Variants in PITPNM1 observed in about 807,000 individuals in gnomAD.
PITPNM1 encodes phosphatidylinositol transfer protein membrane associated 1.
PITPNM1 carries 74 observed loss-of-function variants against 133.3 expected under a neutral mutation model. That is an observed-to-expected ratio of 0.56 (90% CI 0.46 to 0.67). The LOEUF (loss-of-function observed/expected upper bound fraction) is 0.67. PITPNM1 is among the 30% of genes least tolerant of loss of function. PITPNM1 has a pLI of 0.00. For missense variants in PITPNM1, 1,398 were observed against 1,739.5 expected, an observed-to-expected ratio of 0.80 and a Z score of 3.49; for synonymous variants, 738 against 741.4, an observed-to-expected ratio of 1.00 and a Z score of 0.08.
chr11:67,500,213 G>T lies in PITPNM1; in HGVS notation c.849C>A (p.Ser283Arg). ...KPSTEARSAA[S>R]NTGTPDGPEA... ...CAGGCCCATCGGGGGTGCCAGTGTT[G>T]CTGGCCGCAGACCGGGCCTCGGTGC... The change falls in exon 6 of 24, where the codon AGC (serine) becomes AGA (arginine). Residue 283 changes from serine (S) to arginine (R), a missense_variant. Coordinates refer to ENST00000356404, the MANE Select transcript of PITPNM1 (RefSeq NM_004910.3). 2 of 1,603,874 alleles carry T rather than the reference G, an allele frequency of 1.2e-6. No individual in the cohort carries two copies. The highest frequency in any genetic ancestry group is 1.7e-6 in the Non-Finnish European group (2 of 1,179,312).
At position 67,500,948 on chromosome 11, in the gene PITPNM1, A is replaced by C. The variant is rs550822243; in HGVS notation, c.641-527T>G. Among the ~76,000 whole-genome samples, 5 of 152,358 alleles carry C rather than the reference A, an allele frequency of 3.3e-5. No individual in the cohort carries two copies. The South Asian group carries it at 1.0e-3, about 32-fold the overall frequency. On this transcript the variant is annotated intron_variant, in intron 5 of 23. Coordinates refer to ENST00000356404, the MANE Select transcript of PITPNM1 (RefSeq NM_004910.3). ...GTAATGATGGTTGAATGATAATTATAAACTTCTGCGAGGAGATATATTGGA... is the reference window on the plus strand; with the variant it reads ...GTAATGATGGTTGAATGATAATTATCAACTTCTGCGAGGAGATATATTGGA...
In PITPNM1 at chr11:67,495,219, T is replaced by G; in HGVS notation, c.2489A>C (p.Glu830Ala). Residue 830 changes from glutamate to alanine, a missense_variant, in exon 17 of 24, where the codon GAG becomes GCG. Physicochemically the swap from Glu to Ala is moderately radical, Grantham distance 107. Transcript: ENST00000356404. The stretch of plus-strand genomic sequence containing the variant: ...GATCCGCTTGGTCCCCCACCAGCGC[T>G]CCAGGACTGCGCGGCCATGGCAGCG... ...STTSEVVKIL[E>A]RWWGTKRIDY... The G allele has an allele frequency of 1.3e-6, 2 of 1,591,440 alleles. No homozygotes were observed. Among genetic ancestry groups the G allele is most frequent in the Non-Finnish European group, 1.7e-6 (2 of 1,165,678 alleles).
Position 67,492,058 on chromosome 11 carries a change from C to T in PITPNM1, c.3710G>A (p.Ser1237Asn), listed in dbSNP as rs1384373568. The change falls in exon 24 of 24, where the codon AGC becomes AAC. Residue 1237 changes from serine to asparagine, a missense_variant. Transcript: ENST00000356404. ...TLARGKARSISLKLDSEE is the reference protein window; with the variant it reads ...TLARGKARSINLKLDSEE The stretch of plus-strand genomic sequence containing the variant: ...TCACTCCTCGCTGTCCAGCTTCAGG[C>T]TGATGCTCCGTGCTTTGCCCCGTGC... 9.9e-6 allele frequency: 16 copies of T among 1,612,378 alleles called. No homozygotes were observed. The highest frequency in any genetic ancestry group is 1.4e-5 in the Non-Finnish European group (16 of 1,179,874).
Position 67,497,395 on chromosome 11 carries a change from C to T in PITPNM1, c.1982G>A (p.Arg661Gln), listed in dbSNP as rs200291461. Residue 661 changes from arginine (R) to glutamine (Q), a missense_variant, in exon 14 of 24, where the codon CGG (arginine) becomes CAG (glutamine). This residue lies in a region of PITPNM1 where 574 missense variants were observed against 698.7 expected (regional missense o/e 0.82). Coordinates refer to ENST00000356404, the MANE Select transcript of PITPNM1 (RefSeq NM_004910.3). ...APATTSSWEP[R>Q]RASTAFCPPA... is the part of the protein sequence containing the mutation. ...TGGGCAGAAGGCCGTGCTTGCCCGC[C>T]GGGGCTCCCAGGAGGAGGTGGTTGC... The T allele has an allele frequency of 3.2e-5, 51 of 1,589,994 alleles. No homozygotes were observed. The East Asian group carries it at 3.8e-4, about 12-fold the overall frequency.
intron 23 of PITPNM1, 132 bp from the exon 24 acceptor site, chr11:67,492,428 C>T (rs1347841165): frequency 2.2e-6 from 2 of 923,650 alleles, no homozygotes; most frequent in Non-Finnish European, 3.1e-6. Flanking sequence ...GAGCTGAAGC[C>T]TTCTCAATAG....
Position 67,504,106 on chromosome 11 carries a change from G to A in PITPNM1, c.75C>T (p.Ile25=), listed in dbSNP as rs1382966327. ...GCCCTCTCCCCGCCGCCCTCACCTG[G>A]ATCATGTAGAGCTGGGCCACCTGGT... ...DEYQVAQLYM[I]QKKSREESSG... The change falls in exon 2 of 24, where the codon ATC becomes ATT. Residue 25 remains isoleucine (I), a synonymous_variant. Coordinates refer to ENST00000356404, the MANE Select transcript of PITPNM1 (RefSeq NM_004910.3). The surrounding 1 kb of genome is among the most constrained non-coding windows in gnomAD (Gnocchi z 5.4). The A allele has an allele frequency of 2.5e-6, 4 of 1,602,694 alleles. No individual in the cohort carries two copies. The highest frequency in any genetic ancestry group is 2.6e-6 in the Non-Finnish European group (3 of 1,176,148).
At position 67,494,972 on chromosome 11, in the gene PITPNM1, G is replaced by C. The variant is rs907878480; in HGVS notation, c.2632-16C>G. Reference sequence around the variant, plus strand: ...TCTCGATCACCTGCACGGGACAGGGGGCGAGGCCTCTGTCTCTTAGGGGAG... The same window carrying C: ...TCTCGATCACCTGCACGGGACAGGGCGCGAGGCCTCTGTCTCTTAGGGGAG... On this transcript the variant is annotated splice_polypyrimidine_tract_variant and intron_variant, in intron 17 of 23. Transcript: ENST00000356404. 1.9e-6 allele frequency: 3 copies of C among 1,610,914 alleles called. No individual in the cohort carries two copies. Among genetic ancestry groups the C allele is most frequent in the Non-Finnish European group, 2.5e-6 (3 of 1,178,658 alleles).
chr11:67,495,124 C>T lies in PITPNM1; in HGVS notation c.2584G>A (p.Ala862Thr), dbSNP rs1454105159. 12 of 1,612,782 alleles carry T rather than the reference C, an allele frequency of 7.4e-6. No individual in the cohort carries two copies. Among genetic ancestry groups the T allele is most frequent in the Non-Finnish European group, 9.3e-6 (11 of 1,179,898 alleles). The change falls in exon 17 of 24, where the codon GCC (alanine) becomes ACC (threonine). Residue 862 changes from alanine (A) to threonine (T), a missense_variant. By Grantham distance (58) the Ala-to-Thr change is moderately conservative. Transcript: ENST00000356404. ...ACGTCGGCGGACTCCCAGTAGCTGG[C>T]GTGGAAGAGGTGGGGCAGCGTGACG... ...PTVTLPHLFH[A>T]SYWESADVVA...
chr11:67,497,516 C>T lies in PITPNM1; in HGVS notation c.1940+6G>A, dbSNP rs1210635530. 7.5e-6 allele frequency: 12 copies of T among 1,605,680 alleles called. No homozygotes were observed. Among genetic ancestry groups the T allele is most frequent in the East Asian group, 4.5e-5 (2 of 44,782 alleles). On this transcript the variant is annotated splice_donor_region_variant and intron_variant, in intron 13 of 23. Coordinates refer to ENST00000356404, the MANE Select transcript of PITPNM1 (RefSeq NM_004910.3). The stretch of plus-strand genomic sequence containing the variant: ...CAGGGTAGGGGTGATGGGGCAGGGA[C>T]GTCACCTGTTCTGAGAGCCCTCGGG...
chr11:67,492,652 G>C (rs1422658199), intron 23 of PITPNM1, among the ~76,000 whole-genome samples: 2 of 152,270 alleles, frequency 1.3e-5, no homozygotes, highest in African/African-American at 4.8e-5. Context: ...TCCATTTACA[G>C]ATGGGAAGCT....
chr11:67,494,988 CTT>C, intron 17 of PITPNM1, 32 bp from the exon 18 acceptor site: 5 of 1,608,768 alleles, frequency 3.1e-6, no homozygotes, highest in Non-Finnish European at 4.2e-6. Flanking sequence ...GCCTCTGTCT[CTT>C]AGGGGAGGGA....
chr11:67,501,054 C>T (rs1866307676), intron 5 of PITPNM1, among the ~76,000 whole-genome samples: 1 of 152,242 alleles, frequency 6.6e-6, no homozygotes, highest in Non-Finnish European at 1.5e-5. Context: ...TCATTATTCT[C>T]TAAGCTGAAT....
In PITPNM1 at chr11:67,498,977, C is replaced by T; in HGVS notation, c.1196G>A (p.Gly399Asp). The change falls in exon 9 of 24, where the codon GGC becomes GAC. Residue 399 changes from glycine to aspartate, a missense_variant. Physicochemically the swap from Gly to Asp is moderately conservative, Grantham distance 94 (BLOSUM62 -1). Transcript: ENST00000356404. The surrounding 1 kb of genome is among the most constrained non-coding windows in gnomAD (Gnocchi z 5.7). The stretch of plus-strand genomic sequence containing the variant: ...GGGTGCTTGGGCCCCATCCTCAATG[C>T]CTTTAGCTGCCTCGGCTCCAGGCTC... ...TPEPGAEAAKGIEDGAQAPRD... is the reference protein window; with the variant it reads ...TPEPGAEAAKDIEDGAQAPRD... The T allele has an allele frequency of 6.2e-7, 1 of 1,612,522 alleles. No homozygotes were observed. The highest frequency in any genetic ancestry group is 8.5e-7 in the Non-Finnish European group (1 of 1,179,594).
rs372630286 is a variant in PITPNM1 at position 67,498,379 on chromosome 11, C to T, written c.1485-57G>A. ...GGCTTCCAGACCCACTCCTGCCATC[C>T]AAGTCCCCTGGGCCTGCTGGCAGGC... On this transcript the variant is annotated intron_variant, in intron 10 of 23. Coordinates refer to ENST00000356404, the MANE Select transcript of PITPNM1 (RefSeq NM_004910.3). The surrounding 1 kb of genome is among the most constrained non-coding windows in gnomAD (Gnocchi z 5.7). 3.4e-6 allele frequency: 5 copies of T among 1,466,352 alleles called. No homozygotes were observed. The highest frequency in any genetic ancestry group is 2.4e-5 in the East Asian group (1 of 41,962). 90.8% of individuals were successfully genotyped at this position (1,466,352 alleles called of 1,614,324 possible).
Position 67,492,166 on chromosome 11 carries a change from AG to A in PITPNM1, c.3601del (p.Leu1201CysfsTer38). ...GCGAAGCAGCTGGCTCTGTTTGCGC[AG>A]GAAGTCCACGGGGGCAGCCACACCA... is the stretch of plus-strand genomic sequence containing the variant. ...SYGVAAPVDF[L>X]RKQSQLLRSR... is the part of the protein sequence containing the mutation. On this transcript the variant is annotated frameshift_variant, in exon 24 of 24. Coordinates refer to ENST00000356404, the MANE Select transcript of PITPNM1 (RefSeq NM_004910.3). LOFTEE classifies it high-confidence loss of function. 1 of 1,610,690 alleles carries A rather than the reference AG, an allele frequency of 6.2e-7. No homozygotes were observed. The highest frequency in any genetic ancestry group is 1.1e-5 in the South Asian group (1 of 91,074).
Position 67,493,611 on chromosome 11 carries a change from C to T in PITPNM1, c.3159-18G>A, listed in dbSNP as rs1430731179. 2.6e-6 allele frequency: 4 copies of T among 1,542,850 alleles called. No homozygotes were observed. Among genetic ancestry groups the T allele is most frequent in the South Asian group, 1.2e-5 (1 of 83,936 alleles). Reference sequence around the variant, plus strand: ...GCCAGTGCCTGTGGGGCGGGGGCAGCGGTCAGCTCCGCTGGCCAGGGGTGA... The same window carrying T: ...GCCAGTGCCTGTGGGGCGGGGGCAGTGGTCAGCTCCGCTGGCCAGGGGTGA... On this transcript the variant is annotated intron_variant, in intron 21 of 23. Transcript: ENST00000356404.
intron 5 of PITPNM1, 73 bp downstream of exon 5, chr11:67,501,789 G>A: frequency 7.7e-7 from 1 of 1,298,258 alleles, no homozygotes; most frequent in South Asian, 1.3e-5. Context: ...CAGTGGATGG[G>A]AGCATCCCTG....
chr11:67,493,212 C>T (rs1865993563), intron 22 of PITPNM1, 150 bp from the exon 23 acceptor site: 2 of 1,115,242 alleles, frequency 1.8e-6, no homozygotes, highest in East Asian at 4.9e-5. Flanking sequence ...AGGGGCGGGA[C>T]CAGCTGCATC....
chr11:67,499,866 G>T (rs1437349397), intron 7 of PITPNM1, 36 bp from the exon 8 acceptor site: 2 of 1,592,104 alleles, frequency 1.3e-6, no homozygotes, highest in Non-Finnish European at 1.7e-6. Context: ...GGGGTGGGAG[G>T]AGCTGCTCGG....
Sources: allele counts gnomAD v4.1 joint callset (sites outside exome capture counted in the v4.1 genomes callset), GRCh38; gene constraint gnomAD v4.1.1; regional missense constraint gnomAD v4.1.1; non-coding constraint Gnocchi (gnomAD v3.1); transcripts MANE v1.5; gene names NCBI Gene and HGNC (gene_info 2026-07-23, HGNC 2026-07-21).